The following GALNT13 variants were observed in gnomAD, a reference collection of about 807,000 sequenced individuals.
GALNT13 encodes the protein polypeptide N-acetylgalactosaminyltransferase 13, also known as UDP-GalNAc:polypeptide N-acetylgalactosaminyltransferase 13.
In GALNT13, 28 loss-of-function variants were observed where a neutral mutation model predicts 64.2. That is an observed-to-expected ratio of 0.44 (90% confidence interval 0.32 to 0.60). GALNT13 has a LOEUF of 0.60. Among genes scored for constraint, GALNT13 ranks in the 20% least tolerant of loss-of-function variants. The pLI is 0.05. For synonymous variants in GALNT13, 214 were observed against 224.6 expected, an observed-to-expected ratio of 0.95 and a Z score of 0.42; for missense variants, 577 against 669.8, an observed-to-expected ratio of 0.86 and a Z score of 1.53.
chr2:153,868,552 A>G (rs1685802113), upstream of GALNT13, among the ~76,000 whole-genome samples: 1 of 152,202 alleles, frequency 6.6e-6, no homozygotes, highest in Non-Finnish European at 1.5e-5. Flanking sequence ...TCCTTTATCC[A>G]TCATTCCTAA....
At chr2:153,422,149 A>G in the GALNT13 span, among the ~76,000 whole-genome samples, 1 of 152,260 alleles carries the variant, frequency 6.6e-6, no homozygotes, top group East Asian at 1.9e-4. Flanking sequence ...TATCTGAATG[A>G]TAATGCAAAT....
the GALNT13 span, among the ~76,000 whole-genome samples, chr2:153,526,617 C>A: frequency 2.0e-5 from 3 of 152,270 alleles, no homozygotes; most frequent in East Asian, 5.8e-4. Context: ...CTAAAATAAA[C>A]ACCTAACCCT....
At chr2:154,030,100 G>C (rs1325171127) in intron 3 of GALNT13, among the ~76,000 whole-genome samples, 2 of 151,928 alleles carry the variant, frequency 1.3e-5, no homozygotes, top group Non-Finnish European at 2.9e-5. Flanking sequence ...AAATATTTAA[G>C]GAAATAATGG....
the GALNT13 span, among the ~76,000 whole-genome samples, chr2:153,675,534 G>A: frequency 6.6e-6 from 1 of 152,068 alleles, no homozygotes; most frequent in African/African-American, 2.4e-5. Flanking sequence ...TCACACACCG[G>A]GGCCTGTTGG....
At chr2:153,716,081 C>A in the GALNT13 span, among the ~76,000 whole-genome samples, 3 of 152,146 alleles carry the variant, frequency 2.0e-5, no homozygotes, top group Admixed American at 6.5e-5. Flanking sequence ...ACAACAAAAA[C>A]CTTGCTTGTC....
the GALNT13 span, among the ~76,000 whole-genome samples, chr2:153,228,732 G>A: frequency 6.6e-6 from 1 of 152,106 alleles, no homozygotes; most frequent in Middle Eastern, 3.4e-3. Context: ...AGTTAGCTGG[G>A]CATGGTGGTG....
At chr2:153,110,602 A>C in the GALNT13 span, among the ~76,000 whole-genome samples, 1 of 152,000 alleles carries the variant, frequency 6.6e-6, no homozygotes, top group African/African-American at 2.4e-5. Context: ...AGGATGTGTG[A>C]TCTTAGGCAG....
At chr2:153,459,438 C>T in the GALNT13 span, among the ~76,000 whole-genome samples, 43 of 151,982 alleles carry the variant, frequency 2.8e-4, no homozygotes, top group South Asian at 2.5e-3. Flanking sequence ...ATAGCAAAAC[C>T]GCCTCTCAAC....
At chr2:153,145,857 A>G in the GALNT13 span, among the ~76,000 whole-genome samples, 8 of 151,966 alleles carry the variant, frequency 5.3e-5, no homozygotes, top group Middle Eastern at 3.4e-3. Flanking sequence ...ATTAAAATCT[A>G]TCTCTCTAGG....
At chr2:154,348,172 G>A (rs948007772) in intron 9 of GALNT13, among the ~76,000 whole-genome samples, 2 of 152,070 alleles carry the variant, frequency 1.3e-5, no homozygotes, top group Non-Finnish European at 1.5e-5. Context: ...TTGGAGAGAG[G>A]CTTATAATCT....
intron 2 of GALNT13, among the ~76,000 whole-genome samples, chr2:153,916,023 G>A (rs772874635): frequency 6.6e-6 from 1 of 152,070 alleles, no homozygotes; most frequent in Non-Finnish European, 1.5e-5. Flanking sequence ...AGCTCTTAGT[G>A]GTCATAGTCA....
At chr2:153,849,763 T>A in the GALNT13 span, among the ~76,000 whole-genome samples, 1 of 151,994 alleles carries the variant, frequency 6.6e-6, no homozygotes, top group Non-Finnish European at 1.5e-5. Flanking sequence ...AGTAGACAGC[T>A]GCAAAAAAAT....
chr2:153,731,620 T>C, the GALNT13 span, among the ~76,000 whole-genome samples: 52 of 152,124 alleles, frequency 3.4e-4, 1 homozygote, highest in South Asian at 5.0e-3. Context: ...ACTATAAATA[T>C]AGGATTCAAA....
rs529041921 is a variant in GALNT13, at chr2:153,944,403, T to A, written c.-95T>A. On this transcript the variant is annotated 5_prime_UTR_variant, in exon 3 of 13. The change creates a premature stop within an existing upstream ORF in the 5' untranslated region. Coordinates refer to ENST00000392825, the MANE Select transcript of GALNT13 (RefSeq NM_052917.4). ...CTTTGTTTTAATGCAGTGGAATGTA[T>A]CCTGCTTTCATCTTGGAGTTCACCT... The A allele has an allele frequency of 9.0e-7, 1 of 1,110,204 alleles. No homozygotes were observed. Among genetic ancestry groups the A allele is most frequent in the Admixed American group, 2.1e-5 (1 of 47,616 alleles). 68.8% of individuals were successfully genotyped at this position (1,110,204 alleles called of 1,614,324 possible).
chr2:153,384,875 CA>C, the GALNT13 span, among the ~76,000 whole-genome samples: 6 of 151,402 alleles, frequency 4.0e-5, no homozygotes, highest in African/African-American at 1.5e-4. Context: ...GTGAGGTACA[CA>C]AAAAAATAAA....
At chr2:153,440,932 G>T in the GALNT13 span, among the ~76,000 whole-genome samples, 2 of 152,050 alleles carry the variant, frequency 1.3e-5, no homozygotes, top group Admixed American at 6.6e-5. Flanking sequence ...CTTTTGCTGT[G>T]CAGAAGCTCT....
the GALNT13 span, among the ~76,000 whole-genome samples, chr2:153,608,669 T>C: frequency 6.9e-6 from 1 of 144,390 alleles, no homozygotes; most frequent in Non-Finnish European, 1.5e-5. Flanking sequence ...TATTAATATA[T>C]AAATATATGT....
At chr2:153,215,786 T>C in the GALNT13 span, among the ~76,000 whole-genome samples, 1 of 152,038 alleles carries the variant, frequency 6.6e-6, no homozygotes, top group Non-Finnish European at 1.5e-5. Flanking sequence ...TCTGGGCCTT[T>C]AAAAGGTACT....
the GALNT13 span, among the ~76,000 whole-genome samples, chr2:153,473,594 A>G: frequency 1.3e-5 from 2 of 152,316 alleles, no homozygotes; most frequent in African/African-American, 4.8e-5. Flanking sequence ...TGACAGGTAG[A>G]AAAAATATTT....
Sources: allele counts gnomAD v4.1 joint callset (sites outside exome capture counted in the v4.1 genomes callset), GRCh38; gene constraint gnomAD v4.1.1; transcripts MANE v1.5; gene names NCBI Gene and HGNC (gene_info 2026-07-23, HGNC 2026-07-21).